PNLIPRP3: variants seen among roughly 807,000 people sequenced by gnomAD.
The protein encoded by PNLIPRP3 is pancreatic lipase-related protein 3.
A neutral mutation model predicts 52.8 loss-of-function variants in PNLIPRP3; 58 were observed. The observed-to-expected ratio is 1.10, with a 90% confidence interval of 0.89 to 1.37. The LOEUF (loss-of-function observed/expected upper bound fraction) is 1.37, where lower values mean the gene tolerates loss of function less well. Ranked by LOEUF, PNLIPRP3 falls within the 40% of genes most tolerant of loss-of-function variation. The pLI is 0.00. For synonymous variants in PNLIPRP3, 192 were observed against 185.0 expected (o/e 1.04, Z -0.31); for missense variants, 593 against 561.6 (o/e 1.06, Z -0.57).
At position 116,439,677 on chromosome 10, in the gene PNLIPRP3, T is replaced by G. The variant is rs184260187; in HGVS notation, c.204+2812T>G. 1.0e-5 allele frequency: 8 copies of G among 766,626 alleles called. No homozygotes were observed. In the African/African-American group the frequency reaches 1.4e-4, roughly 13 times the overall value. 47.5% of individuals were successfully genotyped at this position (766,626 alleles called of 1,614,324 possible). The stretch of plus-strand genomic sequence containing the variant: ...TATTCCACATCTCACCCAGCTTTTT[T>G]GCCACGTCTCCAATAGAGAAGCCAG... On this transcript the variant is annotated intron_variant, in intron 2 of 11. Coordinates refer to ENST00000369230, the MANE Select transcript of PNLIPRP3 (RefSeq NM_001011709.3).
At chr10:116,458,785 C>T (rs908811885) in intron 5 of PNLIPRP3, among the ~76,000 whole-genome samples, 4 of 152,134 alleles carry the variant, frequency 2.6e-5, no homozygotes, top group African/African-American at 9.7e-5. Flanking sequence ...AATAGAAGCG[C>T]TGTGCTGAAA....
chr10:116,469,031 G>A (rs1342984107), intron 8 of PNLIPRP3, among the ~76,000 whole-genome samples, 154 bp from the exon 9 acceptor site: 1 of 151,914 alleles, frequency 6.6e-6, no homozygotes, highest in Non-Finnish European at 1.5e-5. Flanking sequence ...TTTTATTTTT[G>A]AAAACAGACA....
chr10:116,439,966 T>C (rs1845833620), intron 2 of PNLIPRP3: 3 of 837,182 alleles, frequency 3.6e-6, no homozygotes, highest in Non-Finnish European at 2.1e-6. Context: ...TTTCTTCTTA[T>C]GTTCTTCTCT....
chr10:116,444,544 T>C, intron 4 of PNLIPRP3, 31 bp downstream of exon 4: 1 of 1,593,850 alleles, frequency 6.3e-7, no homozygotes, highest in Non-Finnish European at 8.6e-7. Flanking sequence ...TTTAATTATA[T>C]TGAATTGGTT....
At position 116,437,708 on chromosome 10, in the gene PNLIPRP3, C is replaced by T. The variant is rs184978584; in HGVS notation, c.204+843C>T. On this transcript the variant is annotated intron_variant, in intron 2 of 11. Transcript: ENST00000369230. ...TGAAGCTGGAAGAGACTAGAGGTGA[C>T]TATGAGGCCATTTAGAACTGTGCTG... Among the ~76,000 whole-genome samples, 34 of 152,232 alleles carry T rather than the reference C, an allele frequency of 2.2e-4. No homozygotes were observed. The East Asian group carries it at 5.4e-3, about 24-fold the overall frequency.
chr10:116,470,438 G>A (rs537756519), intron 9 of PNLIPRP3, among the ~76,000 whole-genome samples: 20 of 151,834 alleles, frequency 1.3e-4, no homozygotes, highest in Admixed American at 2.0e-4. Flanking sequence ...AAAGCTTATC[G>A]TTAAAAGAGC....
At chr10:116,443,381 T>C (rs1589978036) in intron 3 of PNLIPRP3, among the ~76,000 whole-genome samples, 1 of 152,028 alleles carries the variant, frequency 6.6e-6, no homozygotes, top group African/African-American at 2.4e-5. Flanking sequence ...CAAATTTGTA[T>C]AATCACTCTT....
chr10:116,444,169 C>T (rs999465709), intron 3 of PNLIPRP3, among the ~76,000 whole-genome samples: 2 of 151,976 alleles, frequency 1.3e-5, no homozygotes, highest in Non-Finnish European at 2.9e-5. Flanking sequence ...AAACCACCCC[C>T]ATGAATCAAT....
At chr10:116,466,028 T>G (rs1846277442) in intron 7 of PNLIPRP3, 22 bp from the exon 8 acceptor site, 1 of 1,514,302 alleles carries the variant, frequency 6.6e-7, no homozygotes, top group African/African-American at 1.4e-5. Flanking sequence ...TGCTATCAGT[T>G]AATTGGGAAT....
At chr10:116,476,461 A>T (rs1441844713) in intron 10 of PNLIPRP3, among the ~76,000 whole-genome samples, 191 bp from the exon 11 acceptor site, 1 of 152,044 alleles carries the variant, frequency 6.6e-6, no homozygotes, top group Non-Finnish European at 1.5e-5. Context: ...CATTTACTTC[A>T]CCCTTCTTTC....
intron 1 of PNLIPRP3, 101 bp from the exon 2 acceptor site, chr10:116,436,610 G>A: frequency 8.2e-7 from 1 of 1,217,626 alleles, no homozygotes; most frequent in Non-Finnish European, 1.1e-6. Context: ...CCAATAAGGG[G>A]TTAATTTCCA....
Position 116,471,880 on chromosome 10 carries a change from G to A in PNLIPRP3, c.1172+1G>A, listed in dbSNP as rs751540425. On this transcript the variant is annotated splice_donor_variant, in intron 10 of 11. Coordinates refer to ENST00000369230, the MANE Select transcript of PNLIPRP3 (RefSeq NM_001011709.3). LOFTEE classifies it high-confidence loss of function. ...AAACTGGGGAGTTTGCCATTGTCAGGTAGGCAGAGTGAGAAACTGACGCTT... is the reference window on the plus strand; with the variant it reads ...AAACTGGGGAGTTTGCCATTGTCAGATAGGCAGAGTGAGAAACTGACGCTT... The A allele has an allele frequency of 1.3e-6, 2 of 1,559,682 alleles. No individual in the cohort carries two copies. The highest frequency in any genetic ancestry group is 2.7e-5 in the African/African-American group (2 of 73,472).
intron 4 of PNLIPRP3, among the ~76,000 whole-genome samples, chr10:116,451,902 T>C (rs987926425): frequency 6.6e-6 from 1 of 152,044 alleles, no homozygotes; most frequent in Non-Finnish European, 1.5e-5. Flanking sequence ...AATGTGGAAG[T>C]GATTTTGGAG....
chr10:116,461,421 A>G lies in PNLIPRP3; in HGVS notation c.808+131A>G, dbSNP rs151205681. ...TTCTCTCAAAACACAGTTGCATATA[A>G]GAAGCTCTCCCACCTGTTCTCAGAT... On this transcript the variant is annotated intron_variant, in intron 7 of 11. Coordinates refer to ENST00000369230, the MANE Select transcript of PNLIPRP3 (RefSeq NM_001011709.3). 93 of 1,135,836 alleles carry G rather than the reference A, an allele frequency of 8.2e-5. No individual in the cohort carries two copies. In the East Asian group the frequency reaches 8.4e-4, roughly 10 times the overall value. 70.4% of individuals were successfully genotyped at this position (1,135,836 alleles called of 1,614,324 possible).
At chr10:116,439,541 C>A in intron 2 of PNLIPRP3, 1 of 833,908 alleles carries the variant, frequency 1.2e-6, no homozygotes, top group Non-Finnish European at 2.0e-6. Context: ...TAGCAGGACG[C>A]TTTGCGCCAT....
At chr10:116,441,977 A>G (rs897854859) in intron 2 of PNLIPRP3, among the ~76,000 whole-genome samples, 1 of 152,158 alleles carries the variant, frequency 6.6e-6, no homozygotes, top group African/African-American at 2.4e-5. Context: ...GAGACACTTT[A>G]CCTAGCCAGC....
In PNLIPRP3 at chr10:116,469,261, T is replaced by C. The variant is rs757840605; in HGVS notation, c.1004T>C (p.Met335Thr). ...GCTGATAGATTTCACTTCAAAAATA[T>C]GAAGACTAATGGATCACATTATTTT... is the stretch of plus-strand genomic sequence containing the variant. ...HFADRFHFKN[M>T]KTNGSHYFLN... The change falls in exon 9 of 12, where the codon ATG (methionine) becomes ACG (threonine). Residue 335 changes from methionine to threonine, a missense_variant. Met to Thr is a moderately conservative substitution (Grantham distance 81). Coordinates refer to ENST00000369230, the MANE Select transcript of PNLIPRP3 (RefSeq NM_001011709.3). The C allele has an allele frequency of 6.2e-7, 1 of 1,611,976 alleles. No homozygotes were observed. The highest frequency in any genetic ancestry group is 8.5e-7 in the Non-Finnish European group (1 of 1,179,110).
chr10:116,456,933 C>T (rs1025986557), intron 5 of PNLIPRP3, among the ~76,000 whole-genome samples: 1 of 152,226 alleles, frequency 6.6e-6, no homozygotes, highest in African/African-American at 2.4e-5. Flanking sequence ...ACAAATACTG[C>T]CAGGCTTATC....
chr10:116,476,666 C>G lies in PNLIPRP3; in HGVS notation c.1187C>G (p.Pro396Arg). The G allele has an allele frequency of 6.4e-7, 1 of 1,569,458 alleles. No individual in the cohort carries two copies. The highest frequency in any genetic ancestry group is 8.6e-7 in the Non-Finnish European group (1 of 1,162,840). The change falls in exon 11 of 12, where the codon CCA (proline) becomes CGA (arginine). Residue 396 changes from proline (P) to arginine (R), a missense_variant. Physicochemically the swap from Pro to Arg is moderately radical, Grantham distance 103. Coordinates refer to ENST00000369230, the MANE Select transcript of PNLIPRP3 (RefSeq NM_001011709.3). Reference sequence around the variant, plus strand: ...TTTGTTTACAGTGGAAAACTTGAGCCAGGCATGACTTACACAAAATTAATC... The same window carrying G: ...TTTGTTTACAGTGGAAAACTTGAGCGAGGCATGACTTACACAAAATTAATC... ...EFAIVSGKLEPGMTYTKLIDA... is the reference protein window; with the variant it reads ...EFAIVSGKLERGMTYTKLIDA...
Sources: gnomAD v4.1 joint callset for allele counts (sites outside exome capture counted in the v4.1 genomes callset) on GRCh38, gnomAD v4.1.1 for gene constraint, MANE v1.5 for transcripts, NCBI Gene and HGNC (gene_info 2026-07-23, HGNC 2026-07-21) for gene names.